Variants in DLG4 observed in about 807,000 individuals in gnomAD.
DLG4 encodes the protein disks large homolog 4.
In DLG4, 7 loss-of-function variants were observed where a neutral mutation model predicts 93.8. The ratio of observed to expected loss-of-function variants is 0.07; its 90% CI spans 0.04 to 0.14. The LOEUF is 0.14. Among genes scored for constraint, DLG4 ranks in the 10% least tolerant of loss-of-function variants. The probability of loss-of-function intolerance (pLI) is 1.00; values close to 1 mark genes in which losing one functional copy is unlikely to be tolerated. For synonymous variants in DLG4, 341 were observed against 387.6 expected (o/e 0.88, Z 1.41); for missense variants, 545 against 992.9 (o/e 0.55, Z 6.06).
chr17:7,210,019 C>A (rs1007451136), intron 1 of DLG4, among the ~76,000 whole-genome samples: 3 of 152,044 alleles, frequency 2.0e-5, no homozygotes, highest in African/African-American at 7.2e-5. Context: ...TCTAGCCTGG[C>A]GACAGAGTGA....
At chr17:7,219,595 A>G (rs1210320244), upstream of DLG4, 4 of 1,158,540 alleles carry the variant, frequency 3.5e-6, no homozygotes, top group African/African-American at 1.6e-5. Context: ...TCTACCTTAC[A>G]CTTCTCTTTC....
At chr17:7,204,863 A>T (rs999648274) in intron 2 of DLG4, 22 of 850,298 alleles carry the variant, frequency 2.6e-5, no homozygotes, top group Non-Finnish European at 3.1e-5. Context: ...CTCACCAACC[A>T]GCCGTCCAAT....
At chr17:7,218,296 G>T, upstream of DLG4, 2 of 1,606,168 alleles carry the variant, frequency 1.2e-6, no homozygotes, top group Non-Finnish European at 1.7e-6. Context: ...CACAGGAACA[G>T]AACTGAGTTA....
chr17:7,208,388 C>A lies in DLG4; in HGVS notation c.31-149G>T. The A allele has an allele frequency of 1.6e-6, 1 of 615,256 alleles. No homozygotes were observed. The highest frequency in any genetic ancestry group is 6.5e-5 in the South Asian group (1 of 15,410). 38.1% of individuals were successfully genotyped at this position (615,256 alleles called of 1,614,324 possible). ...TCCTCCCCCTCCCTCTCCTCTAGCC[C>A]ATTGGCTCCCCTCTCTCCACTCTCC... On this transcript the variant is annotated intron_variant, in intron 1 of 19. Transcript: ENST00000399506. The surrounding 1 kb of genome is among the most constrained non-coding windows in gnomAD (Gnocchi z 5.4).
upstream of DLG4, chr17:7,218,172 G>A: frequency 1.5e-6 from 2 of 1,375,532 alleles, no homozygotes; most frequent in South Asian, 1.3e-5. Context: ...TAATATTAGT[G>A]ATATTTGGCT....
intron 8 of DLG4, 143 bp from the exon 9 acceptor site, chr17:7,197,195 G>T (rs1186140875): frequency 1.4e-5 from 11 of 783,186 alleles, no homozygotes; most frequent in Non-Finnish European, 2.0e-5. Flanking sequence ...GTGGTAAGGG[G>T]ATATCAGATC....
chr17:7,203,217 C>A lies in DLG4; in HGVS notation c.618G>T (p.Leu206Phe). ...CCGCCAGGATCTTGTCTCCAATCTG[C>A]AACCTCCCATCCTTGTGGGCAGCAC... is the stretch of plus-strand genomic sequence containing the variant. Reference protein sequence around the residue: ...EGGAAHKDGRLQIGDKILAVN... With the variant: ...EGGAAHKDGRFQIGDKILAVN... The change falls in exon 7 of 20, where the codon TTG becomes TTT. Residue 206 changes from leucine (L) to phenylalanine (F), a missense_variant. Physicochemically the swap from Leu to Phe is conservative, Grantham distance 22. Around this residue, in one of 5 missense-constraint regions of DLG4, gnomAD observed 428 missense variants for 741.4 expected, o/e 0.58. Coordinates refer to ENST00000399506, the MANE Select transcript of DLG4 (RefSeq NM_001321075.3). The surrounding 1 kb of genome is among the most constrained non-coding windows in gnomAD (Gnocchi z 7.2). 1 of 1,605,008 alleles carries A rather than the reference C, an allele frequency of 6.2e-7. No individual in the cohort carries two copies.
Position 7,203,245 on chromosome 17 carries a change from C to T in DLG4, c.590G>A (p.Gly197Glu), listed in dbSNP as rs1344403587. Residue 197 changes from glycine to glutamate, a missense_variant, in exon 7 of 20, where the codon GGG becomes GAG. This residue lies in a region of DLG4 where 428 missense variants were observed against 741.4 expected (regional missense o/e 0.58). Transcript: ENST00000399506. The surrounding 1 kb of genome is among the most constrained non-coding windows in gnomAD (Gnocchi z 7.2). ...CCTCCCATCCTTGTGGGCAGCACCC[C>T]CTTCGATGATCTTTGTTACATAGAT... ...NSIYVTKIIEGGAAHKDGRLQ... is the reference protein window; with the variant it reads ...NSIYVTKIIEEGAAHKDGRLQ... 3.1e-6 allele frequency: 5 copies of T among 1,610,564 alleles called. No homozygotes were observed. Among genetic ancestry groups the T allele is most frequent in the Non-Finnish European group, 3.4e-6 (4 of 1,177,132 alleles).
At chr17:7,218,464 T>G, upstream of DLG4, 3 of 1,462,246 alleles carry the variant, frequency 2.1e-6, no homozygotes, top group Non-Finnish European at 2.8e-6. Context: ...CCAAATGATC[T>G]CTGGGCTCCC....
At chr17:7,190,952 C>A (rs2142804903) in intron 19 of DLG4, 138 bp from the exon 20 acceptor site, 46 of 592,862 alleles carry the variant, frequency 7.8e-5, no homozygotes, top group Non-Finnish European at 1.1e-4. Context: ...CACCCGCCCA[C>A]AGGGGCACCT....
rs750583344 is a variant in DLG4, at chr17:7,195,651, C to T, written c.1301+569G>A. ...GCACCTCCGAGAGACATCTGCAGAG[C>T]GCAGCGGCAGACGAGGCCATGCAAG... is the stretch of plus-strand genomic sequence containing the variant. On this transcript the variant is annotated intron_variant, in intron 11 of 19. Transcript: ENST00000399506. This position sits in a 1 kb window ranked among gnomAD's most constrained non-coding sequence, Gnocchi z 4.3. 3.4e-4 allele frequency among the ~76,000 whole-genome samples: 52 copies of T among 152,014 alleles called. No homozygotes were observed. The highest frequency in any genetic ancestry group is 3.4e-4 in the Non-Finnish European group (23 of 68,000).
At position 7,191,398 on chromosome 17, in the gene DLG4, A is replaced by C. The variant is rs778949910; in HGVS notation, c.1977-40T>G. The C allele has an allele frequency of 5.2e-6, 8 of 1,526,732 alleles. No individual in the cohort carries two copies. In the African/African-American group the frequency reaches 1.1e-4, roughly 21 times the overall value. The allele number at this position is 1,526,732 out of a possible 1,614,324, so 94.6% of individuals were successfully genotyped here. On this transcript the variant is annotated intron_variant, in intron 18 of 19. Coordinates refer to ENST00000399506, the MANE Select transcript of DLG4 (RefSeq NM_001321075.3). This position sits in a 1 kb window ranked among gnomAD's most constrained non-coding sequence, Gnocchi z 6.6. Reference sequence around the variant, plus strand: ...GGAGAGCAGGCCTGAGACTGGACCCACCTGACCCTGCCTTTTATCTCCTCT... The same window carrying C: ...GGAGAGCAGGCCTGAGACTGGACCCCCCTGACCCTGCCTTTTATCTCCTCT...
chr17:7,205,458 T>C (rs1444298928), intron 2 of DLG4, among the ~76,000 whole-genome samples: 1 of 152,090 alleles, frequency 6.6e-6, no homozygotes, highest in African/African-American at 2.4e-5. Flanking sequence ...AAACATGTAT[T>C]TGCAGTCGCC....
intron 1 of DLG4, among the ~76,000 whole-genome samples, chr17:7,210,822 T>C (rs2070676666): frequency 6.6e-6 from 1 of 152,090 alleles, no homozygotes; most frequent in African/African-American, 2.4e-5. Context: ...AATGTCAGCG[T>C]GCACCCAAAG....
chr17:7,193,379 A>G lies in DLG4; in HGVS notation c.1693+104T>C, dbSNP rs1208615212. 3.4e-6 allele frequency: 4 copies of G among 1,188,570 alleles called. No individual in the cohort carries two copies. The African/African-American group carries it at 5.0e-5, about 15-fold the overall frequency. The allele number at this position is 1,188,570 out of a possible 1,614,324, so 73.6% of individuals were successfully genotyped here. On this transcript the variant is annotated intron_variant, in intron 16 of 19. Transcript: ENST00000399506. The surrounding 1 kb of genome is among the most constrained non-coding windows in gnomAD (Gnocchi z 6.7). ...TCTCGGAGAAACCCTGTATCTCCCTACACACCGATCCCCCAGGAGGCTCTG... is the reference window on the plus strand; with the variant it reads ...TCTCGGAGAAACCCTGTATCTCCCTGCACACCGATCCCCCAGGAGGCTCTG...
chr17:7,200,856 GTTTTTTTTTTT>G (rs1243920377), intron 8 of DLG4, among the ~76,000 whole-genome samples: 1 of 94,664 alleles, frequency 1.1e-5, no homozygotes, highest in African/African-American at 4.1e-5. Flanking sequence ...GCCTGTTTTG[GTTTTTTTTTTT>G]TTTTTTTTTT....
chr17:7,219,362 G>C, upstream of DLG4: 1 of 1,004,880 alleles, frequency 1.0e-6, no homozygotes, highest in South Asian at 3.8e-5. Flanking sequence ...AGGTCTCAGA[G>C]GCTTTACTAA....
At chr17:7,218,372 G>C (rs1465941857), upstream of DLG4, 1 of 1,471,406 alleles carries the variant, frequency 6.8e-7, no homozygotes, top group Non-Finnish European at 9.3e-7. Context: ...TGGCTGGCAA[G>C]GGAGGAGCCC....
rs1348600782 is a variant in DLG4 at position 7,189,510 on chromosome 17, A to C, written c.*1198T>G. Among the ~76,000 whole-genome samples the C allele has an allele frequency of 1.3e-5, 2 of 152,064 alleles. No homozygotes were observed. Among genetic ancestry groups the C allele is most frequent in the Admixed American group, 1.3e-4 (2 of 15,260 alleles). On this transcript the variant is annotated 3_prime_UTR_variant, in exon 20 of 20. Transcript: ENST00000399506. ...TCTCAAAAAAAAAAACAAAAAAACAAAAAAAATCATTTCCAGATCCTAGCT... is the reference window on the plus strand; with the variant it reads ...TCTCAAAAAAAAAAACAAAAAAACACAAAAAATCATTTCCAGATCCTAGCT...
Sources: gnomAD v4.1 joint callset for allele counts (sites outside exome capture counted in the v4.1 genomes callset) on GRCh38, gnomAD v4.1.1 for gene constraint, gnomAD v4.1.1 regional missense constraint, Gnocchi (gnomAD v3.1) non-coding constraint, MANE v1.5 for transcripts, NCBI Gene and HGNC (gene_info 2026-07-23, HGNC 2026-07-21) for gene names.